SRGAP2: variants seen among roughly 807,000 people sequenced by gnomAD.
SRGAP2 encodes SLIT-ROBO Rho GTPase activating protein 2, also known as SLIT-ROBO Rho GTPase-activating protein 2.
Under a neutral mutation model 57.2 loss-of-function variants are expected in SRGAP2, and 15 were observed. The observed-to-expected ratio is 0.26, with a 90% CI of 0.18 to 0.40. SRGAP2 has a LOEUF of 0.40. SRGAP2 is among the 10% of genes least tolerant of loss of function. The pLI, the probability that SRGAP2 is intolerant of heterozygous loss-of-function variation, is 1.00. For missense variants in SRGAP2, 520 were observed against 669.6 expected (o/e 0.78, Z 2.47); for synonymous variants, 249 against 248.0 (o/e 1.00, Z -0.04).
intron 2 of SRGAP2, among the ~76,000 whole-genome samples, chr1:206,278,168 A>G (rs1670528041): frequency 2.0e-5 from 3 of 151,858 alleles, no homozygotes; most frequent in Admixed American, 6.6e-5. Flanking sequence ...CAGTCAATAC[A>G]ATAAAGATCT....
rs1314103959 is a variant in SRGAP2 at position 206,454,169 on chromosome 1, C to G, written c.2361-709C>G. The G allele has an allele frequency of 1.4e-6, 1 of 702,438 alleles. No homozygotes were observed. The highest frequency in any genetic ancestry group is 2.6e-6 in the Non-Finnish European group (1 of 384,946). The allele number at this position is 702,438 out of a possible 1,614,324, so 43.5% of individuals were successfully genotyped here. ...GTTGATATCCTGAGTGAGTCTGCAC[C>G]CTCCCAGCCTCTTCCCGGCTCGTTC... On this transcript the variant is annotated intron_variant, in intron 20 of 22. Coordinates refer to ENST00000573034, the MANE Select transcript of SRGAP2 (RefSeq NM_015326.5). This position sits in a 1 kb window ranked among gnomAD's most constrained non-coding sequence, Gnocchi z 4.3.
At chr1:206,277,861 C>T (rs1670502875) in intron 2 of SRGAP2, among the ~76,000 whole-genome samples, 1 of 152,000 alleles carries the variant, frequency 6.6e-6, no homozygotes, top group South Asian at 2.1e-4. Context: ...CGCTTGTAAT[C>T]CCAGCTACTT....
chr1:206,286,593 ATG>A (rs2102703745), intron 2 of SRGAP2, among the ~76,000 whole-genome samples: 1 of 151,894 alleles, frequency 6.6e-6, no homozygotes, highest in African/African-American at 2.4e-5. Flanking sequence ...GGAGGAGAAA[ATG>A]ATAAACACCT....
At chr1:206,419,547 C>T (rs537295687) in intron 12 of SRGAP2, 147 bp downstream of exon 12, 1 of 665,994 alleles carries the variant, frequency 1.5e-6, no homozygotes, top group East Asian at 2.7e-5. Context: ...TGTTTACTTC[C>T]CTTTGCCTTA....
At chr1:206,427,082 T>TA (rs1660860771) in intron 13 of SRGAP2, among the ~76,000 whole-genome samples, 1 of 152,176 alleles carries the variant, frequency 6.6e-6, no homozygotes, top group Admixed American at 6.5e-5. Flanking sequence ...GTTTTTTTTT[T>TA]AGTCATTTCA....
intron 2 of SRGAP2, among the ~76,000 whole-genome samples, chr1:206,230,658 G>C (rs1385277129): frequency 6.8e-6 from 1 of 146,372 alleles, no homozygotes; most frequent in Non-Finnish European, 1.5e-5. Context: ...ACGGAGTCTC[G>C]CTCTGTCGCC....
At chr1:206,255,320 T>C (rs61815477) in intron 2 of SRGAP2, among the ~76,000 whole-genome samples, 65,685 of 145,110 alleles carry the variant, frequency 0.45, 15,406 homozygotes, top group East Asian at 0.72. Flanking sequence ...TTTGACACAG[T>C]GTGTACCTGG....
At chr1:206,321,949 C>G (rs1673479185) in intron 3 of SRGAP2, among the ~76,000 whole-genome samples, 1 of 152,036 alleles carries the variant, frequency 6.6e-6, no homozygotes, top group Non-Finnish European at 1.5e-5. Context: ...ACCATGGATG[C>G]TAAATATGCT....
chr1:206,206,203 A>G (rs1373800793), intron 2 of SRGAP2, 166 bp downstream of exon 2: 1 of 540,122 alleles, frequency 1.9e-6, no homozygotes, highest in East Asian at 3.0e-5. Context: ...AGGATGGGCA[A>G]TGCCAGGGGG....
intron 11 of SRGAP2, among the ~76,000 whole-genome samples, chr1:206,417,942 T>C (rs1659886305): frequency 6.6e-6 from 1 of 151,606 alleles, no homozygotes; most frequent in Admixed American, 6.6e-5. Context: ...AGCAGGGCCT[T>C]GGGGCCATAC....
chr1:206,457,233 G>T (rs1292357810), intron 21 of SRGAP2, among the ~76,000 whole-genome samples: 1 of 152,126 alleles, frequency 6.6e-6, no homozygotes, highest in Non-Finnish European at 1.5e-5. Context: ...AGCTATTAGG[G>T]TGTGGCACTT....
chr1:206,453,492 G>T (rs1184424745), intron 20 of SRGAP2, 112 bp downstream of exon 20: 1 of 457,768 alleles, frequency 2.2e-6, no homozygotes, highest in Non-Finnish European at 4.0e-6. Flanking sequence ...GGGGGGTCCA[G>T]TGCAGTCCTG....
intron 4 of SRGAP2, among the ~76,000 whole-genome samples, chr1:206,355,612 G>C (rs184272442): frequency 1.9e-4 from 29 of 152,300 alleles, no homozygotes; most frequent in African/African-American, 7.0e-4. Flanking sequence ...TTTAGTATCA[G>C]TTGATAATTT....
intron 11 of SRGAP2, among the ~76,000 whole-genome samples, chr1:206,418,888 C>CTGTGTGTGTGTGTGTG (rs1159940831): frequency 1.5e-5 from 2 of 136,566 alleles, no homozygotes; most frequent in East Asian, 2.1e-4. Flanking sequence ...CCAACTCTCT[C>CTGTGTGTGTGTGTGTG]TGTGTGTGTG....
At chr1:206,444,285 A>G (rs1012622794) in intron 17 of SRGAP2, among the ~76,000 whole-genome samples, 2 of 152,240 alleles carry the variant, frequency 1.3e-5, no homozygotes, top group Non-Finnish European at 2.9e-5. Flanking sequence ...GGAGCAAGAA[A>G]ATAGACCTAG....
At chr1:206,369,424 CCTCTGTGTTTGAGAGGA>C (rs1262255360) in intron 4 of SRGAP2, among the ~76,000 whole-genome samples, 2 of 151,396 alleles carry the variant, frequency 1.3e-5, no homozygotes, top group Non-Finnish European at 3.0e-5. Flanking sequence ...AAGTCAGAAA[CCTCTGTGTTTGAGAGGA>C]CACTGTCAAG....
At chr1:206,257,638 G>C (rs1553312688) in intron 2 of SRGAP2, among the ~76,000 whole-genome samples, 1 of 138,342 alleles carries the variant, frequency 7.2e-6, no homozygotes, top group Non-Finnish European at 1.6e-5. Flanking sequence ...CGATCCAGGT[G>C]CTGGGAACCT....
chr1:206,411,807 T>A (rs574982729), intron 10 of SRGAP2, among the ~76,000 whole-genome samples: 3 of 152,380 alleles, frequency 2.0e-5, no homozygotes, highest in Admixed American at 6.5e-5. Context: ...ACTACTTTTT[T>A]AAGGCCCAAA....
At chr1:206,343,278 GA>G (rs1282639300) in intron 4 of SRGAP2, among the ~76,000 whole-genome samples, 2 of 151,994 alleles carry the variant, frequency 1.3e-5, no homozygotes, top group Admixed American at 6.6e-5. Context: ...TACTTGCGGA[GA>G]AAAAAAATAT....
Sources: gnomAD v4.1 joint callset for allele counts (sites outside exome capture counted in the v4.1 genomes callset) on GRCh38, gnomAD v4.1.1 for gene constraint, Gnocchi (gnomAD v3.1) non-coding constraint, MANE v1.5 for transcripts, NCBI Gene and HGNC (gene_info 2026-07-23, HGNC 2026-07-21) for gene names.